Variants in PCDH9 observed in about 807,000 individuals in gnomAD.
PCDH9 encodes protocadherin 9.
In PCDH9, 24 loss-of-function variants were observed where a neutral mutation model predicts 70.6. That is an observed-to-expected ratio of 0.34 (90% CI 0.25 to 0.48). The LOEUF is 0.48. Among genes scored for constraint, PCDH9 ranks in the 20% least tolerant of loss-of-function variants. The probability of loss-of-function intolerance (pLI) is 0.99; values close to 1 mark genes in which losing one functional copy is unlikely to be tolerated. For synonymous variants in PCDH9, 562 were observed against 558.5 expected (o/e 1.01, Z -0.09); for missense variants, 1,281 against 1,503.6 (o/e 0.85, Z 2.45).
At chr13:67,046,231 C>A (rs1192920704) in intron 2 of PCDH9, among the ~76,000 whole-genome samples, 2 of 152,144 alleles carry the variant, frequency 1.3e-5, no homozygotes, top group Non-Finnish European at 2.9e-5. Flanking sequence ...TACACTCTAG[C>A]AATTAGCCCC....
intron 4 of PCDH9, among the ~76,000 whole-genome samples, chr13:66,313,201 C>A (rs1593783080): frequency 1.3e-5 from 2 of 152,192 alleles, no homozygotes; most frequent in African/African-American, 4.8e-5. Flanking sequence ...ATTATTCAAA[C>A]CAACTTTCAA....
intron 4 of PCDH9, among the ~76,000 whole-genome samples, chr13:66,485,913 A>T (rs1047774193): frequency 1.3e-5 from 2 of 151,788 alleles, no homozygotes; most frequent in African/African-American, 4.8e-5. Context: ...TTTTTGCTAG[A>T]GATGGGGTTT....
chr13:66,997,679 C>T (rs1395736189), intron 2 of PCDH9, among the ~76,000 whole-genome samples: 1 of 152,052 alleles, frequency 6.6e-6, no homozygotes, highest in African/African-American at 2.4e-5. Context: ...GGACTACGGG[C>T]GCACATCACC....
intron 2 of PCDH9, among the ~76,000 whole-genome samples, chr13:66,944,249 T>C (rs2083052157): frequency 6.6e-6 from 1 of 152,168 alleles, no homozygotes; most frequent in South Asian, 2.1e-4. Flanking sequence ...AATAAATCTC[T>C]GTTTCTTTAA....
intron 2 of PCDH9, among the ~76,000 whole-genome samples, chr13:67,149,653 G>A (rs1057370622): frequency 6.6e-6 from 1 of 151,874 alleles, no homozygotes; most frequent in Admixed American, 6.6e-5. Flanking sequence ...AGATCACAAA[G>A]GAATTACGAT....
intron 4 of PCDH9, among the ~76,000 whole-genome samples, chr13:66,606,456 G>A (rs1486311404): frequency 2.0e-5 from 3 of 152,044 alleles, no homozygotes; most frequent in Admixed American, 6.6e-5. Context: ...GAATAGTACC[G>A]AGATTTTTGG....
intron 3 of PCDH9, among the ~76,000 whole-genome samples, chr13:66,839,129 C>A (rs2081073443): frequency 6.6e-6 from 1 of 151,356 alleles, no homozygotes; most frequent in South Asian, 2.1e-4. Context: ...TACTGATGTT[C>A]AAAAATATCA....
At chr13:66,469,804 C>T (rs79062681) in intron 4 of PCDH9, among the ~76,000 whole-genome samples, 1,698 of 152,258 alleles carry the variant, frequency 0.011, 33 homozygotes, top group African/African-American at 0.04. Flanking sequence ...TTCTCTCTCC[C>T]TCTCACTTTA....
intron 3 of PCDH9, among the ~76,000 whole-genome samples, chr13:66,890,066 T>C (rs1173520899): frequency 6.6e-6 from 1 of 152,204 alleles, no homozygotes; most frequent in Non-Finnish European, 1.5e-5. Flanking sequence ...CTGTTTTGTA[T>C]TTCTTAGCAG....
chr13:66,727,093 T>C (rs1227322064), intron 3 of PCDH9, among the ~76,000 whole-genome samples: 1 of 151,974 alleles, frequency 6.6e-6, no homozygotes, highest in Non-Finnish European at 1.5e-5. Context: ...ATAGCTAGAT[T>C]CCATTTCTAC....
At chr13:66,650,418 G>C (rs902145113) in intron 3 of PCDH9, among the ~76,000 whole-genome samples, 1 of 151,962 alleles carries the variant, frequency 6.6e-6, no homozygotes, top group Non-Finnish European at 1.5e-5. Context: ...AATTCAGCAA[G>C]AGTATATACC....
At position 66,958,853 on chromosome 13, in the gene PCDH9, C is replaced by T. The variant is rs558767508; in HGVS notation, c.3037-55248G>A. On this transcript the variant is annotated intron_variant, in intron 2 of 4. Transcript: ENST00000377865. ...GGAGGTGGTTCTCTCTGCAGAGATT[C>T]GTCATGCTATGTTTTATACTTAGAC... 1.5e-4 allele frequency among the ~76,000 whole-genome samples: 23 copies of T among 152,200 alleles called. No homozygotes were observed. In the South Asian group the frequency reaches 3.1e-3, roughly 21 times the overall value.
chr13:66,331,294 C>T (rs1955936793), intron 4 of PCDH9, among the ~76,000 whole-genome samples: 2 of 152,086 alleles, frequency 1.3e-5, no homozygotes, highest in South Asian at 4.1e-4. Context: ...CTCATTGTTA[C>T]TGGGAAAAAT....
At chr13:66,379,086 C>T (rs1956796612) in intron 4 of PCDH9, among the ~76,000 whole-genome samples, 1 of 152,198 alleles carries the variant, frequency 6.6e-6, no homozygotes, top group Non-Finnish European at 1.5e-5. Flanking sequence ...GATGTGACTA[C>T]TTCGCTTAAC....
At chr13:67,038,169 C>T (rs1476838861) in intron 2 of PCDH9, among the ~76,000 whole-genome samples, 3 of 152,130 alleles carry the variant, frequency 2.0e-5, no homozygotes, top group Non-Finnish European at 2.9e-5. Flanking sequence ...ATGAAAACAG[C>T]TGTTCGACTA....
intron 4 of PCDH9, among the ~76,000 whole-genome samples, chr13:66,626,221 T>C (rs2077497174): frequency 6.6e-6 from 1 of 151,994 alleles, no homozygotes; most frequent in African/African-American, 2.4e-5. Flanking sequence ...GGAGGGAATA[T>C]AAAGAGGATA....
intron 2 of PCDH9, among the ~76,000 whole-genome samples, chr13:67,112,709 GCCTT>G (rs2086681822): frequency 8.4e-6 from 1 of 118,926 alleles, no homozygotes; most frequent in Admixed American, 1.1e-4. Context: ...CTCCCTTTCC[GCCTT>G]CCTTCTTTCC....
intron 3 of PCDH9, among the ~76,000 whole-genome samples, chr13:66,881,196 G>A (rs971228829): frequency 8.5e-5 from 13 of 152,272 alleles, no homozygotes; most frequent in Admixed American, 2.6e-4. Context: ...TTATGAGTTA[G>A]GGAAGTGTTT....
rs1555262846 is a variant in PCDH9, at chr13:66,730,876, G to GTGTGTTTTT, written c.3139-99466_3139-99465insAAAAACACA. ...TGTTTTTGTTTTTTTGTGTGTGTGT[G>GTGTGTTTTT]TTTTTTTTTTGTTTGTTTCTTTTTT... is the stretch of plus-strand genomic sequence containing the variant. On this transcript the variant is annotated intron_variant, in intron 3 of 4. Coordinates refer to ENST00000377865, the MANE Select transcript of PCDH9 (RefSeq NM_203487.3). Among the ~76,000 whole-genome samples, 9 of 46,354 alleles carry GTGTGTTTTT rather than the reference G, an allele frequency of 1.9e-4. 1 individual carries two copies. In the South Asian group the frequency reaches 5.7e-3, roughly 29 times the overall value. 30.4% of individuals were successfully genotyped at this position (46,354 alleles called of 152,430 possible).
Sources: gnomAD v4.1 joint callset for allele counts (sites outside exome capture counted in the v4.1 genomes callset) on GRCh38, gnomAD v4.1.1 for gene constraint, MANE v1.5 for transcripts, NCBI Gene and HGNC (gene_info 2026-07-23, HGNC 2026-07-21) for gene names.